Variants in IRAG2 observed in about 807,000 individuals in gnomAD.
IRAG2 encodes lymphoid restricted membrane protein.
IRAG2 carries 45 observed loss-of-function variants against 69.9 expected under a neutral mutation model. The ratio of observed to expected loss-of-function variants is 0.64; its 90% CI spans 0.51 to 0.83. IRAG2 has a LOEUF of 0.83. IRAG2 is among the 40% of genes least tolerant of loss of function. IRAG2 has a pLI of 0.00. For missense variants in IRAG2, 520 were observed against 587.0 expected, an observed-to-expected ratio of 0.89 and a Z score of 1.18; for synonymous variants, 193 against 202.4, an observed-to-expected ratio of 0.95 and a Z score of 0.40.
chr12:25,069,381 G>A lies in IRAG2; in HGVS notation c.-27G>A. 1.9e-6 allele frequency: 3 copies of A among 1,612,732 alleles called. No individual in the cohort carries two copies. The South Asian group carries it at 3.3e-5, about 18-fold the overall frequency. On this transcript the variant is annotated 5_prime_UTR_variant, in exon 6 of 22. Transcript: ENST00000556887. ...AGGCCCCACAAGTGGCCCCAGCCCA[G>A]GAACGAATCTCTCAGGCTGCATCAG... is the stretch of plus-strand genomic sequence containing the variant.
At chr12:25,106,071 A>G (rs1949078961) in intron 20 of IRAG2, among the ~76,000 whole-genome samples, 1 of 152,076 alleles carries the variant, frequency 6.6e-6, no homozygotes, top group South Asian at 2.1e-4. Flanking sequence ...ATTTATTTTA[A>G]CCAGTTTTAT....
At chr12:25,008,788 AG>A (rs1298805961) in intron 2 of IRAG2, among the ~76,000 whole-genome samples, 2 of 152,160 alleles carry the variant, frequency 1.3e-5, no homozygotes, top group Non-Finnish European at 2.9e-5. Context: ...AGATAGTGTA[AG>A]GTGTTTTCTT....
At chr12:25,065,624 C>T (rs1372138052) in intron 4 of IRAG2, among the ~76,000 whole-genome samples, 1 of 152,246 alleles carries the variant, frequency 6.6e-6, no homozygotes, top group Non-Finnish European at 1.5e-5. Flanking sequence ...TTTACTGTTG[C>T]ATCACACAAA....
chr12:25,015,273 T>C, intron 4 of IRAG2: 1 of 1,231,030 alleles, frequency 8.1e-7, no homozygotes, highest in Non-Finnish European at 1.0e-6. Context: ...TATGTATGTG[T>C]TTCTTCAGGA....
At chr12:25,010,745 T>G (rs1166703732) in intron 2 of IRAG2, among the ~76,000 whole-genome samples, 11 of 152,292 alleles carry the variant, frequency 7.2e-5, no homozygotes, top group African/African-American at 2.6e-4. Context: ...TTTTTCCCTC[T>G]CCTTTGCAAG....
chr12:25,096,561 T>C (rs1306205057), intron 14 of IRAG2, among the ~76,000 whole-genome samples: 1 of 152,236 alleles, frequency 6.6e-6, no homozygotes, highest in Non-Finnish European at 1.5e-5. Flanking sequence ...CTATGCTCCT[T>C]ATATGATACA....
At position 25,083,523 on chromosome 12, in the gene IRAG2, G is replaced by A. The variant is rs758769691; in HGVS notation, c.315+30G>A. On this transcript the variant is annotated intron_variant, in intron 10 of 21. Coordinates refer to ENST00000556887, the MANE Select transcript of IRAG2 (RefSeq NM_001366544.2). The stretch of plus-strand genomic sequence containing the variant: ...GGAAATACGTATGTTCACAACAAAG[G>A]TGGTGGTATCTTACAATGGTAGAAC... The A allele has an allele frequency of 8.0e-6, 11 of 1,374,712 alleles. No homozygotes were observed. The East Asian group carries it at 1.4e-4, about 17-fold the overall frequency. 85.2% of individuals were successfully genotyped at this position (1,374,712 alleles called of 1,614,324 possible).
At chr12:25,012,553 C>T (rs1403636912) in intron 3 of IRAG2, among the ~76,000 whole-genome samples, 5 of 151,914 alleles carry the variant, frequency 3.3e-5, no homozygotes, top group African/African-American at 4.8e-5. Context: ...GTTGACAGGG[C>T]GCGATGGCTC....
chr12:24,998,761 T>C, the IRAG2 span, among the ~76,000 whole-genome samples: 2 of 152,184 alleles, frequency 1.3e-5, no homozygotes, highest in African/African-American at 4.8e-5. Flanking sequence ...GAATCATGAA[T>C]GATTGACTGG....
exon 7 of IRAG2, chr12:25,020,812 A>G (rs1441708272): frequency 1.5e-5 from 19 of 1,231,838 alleles, no homozygotes; most frequent in Non-Finnish European, 1.9e-5. Flanking sequence ...TATTATGAGA[A>G]CAAATCTGTT....
chr12:25,053,564 G>T, intron 1 of IRAG2, among the ~76,000 whole-genome samples: 1 of 151,886 alleles, frequency 6.6e-6, no homozygotes. Flanking sequence ...AGTTACCAGA[G>T]ATTTATGTGA....
intron 2 of IRAG2, among the ~76,000 whole-genome samples, chr12:25,010,235 G>A (rs1243024690): frequency 6.6e-6 from 1 of 152,138 alleles, no homozygotes; most frequent in Non-Finnish European, 1.5e-5. Flanking sequence ...TCAGCACTTT[G>A]GGAGGCCCAG....
rs539501564 is a variant in IRAG2 at position 25,103,755 on chromosome 12, T to C, written c.934-82T>C. The C allele has an allele frequency of 6.6e-5, 65 of 984,806 alleles. No homozygotes were observed. In the South Asian group the frequency reaches 7.6e-4, roughly 11 times the overall value. The allele number at this position is 984,806 out of a possible 1,614,324, so 61.0% of individuals were successfully genotyped here. ...CTGTGGTCAAGTACACGGATATGCA[T>C]GTACAAGGATATTTATTGGTGTTGC... On this transcript the variant is annotated intron_variant, in intron 17 of 21. Coordinates refer to ENST00000556887, the MANE Select transcript of IRAG2 (RefSeq NM_001366544.2).
chr12:25,103,854 A>C lies in IRAG2; in HGVS notation c.951A>C (p.Arg317Ser). The change falls in exon 18 of 22, where the codon AGA becomes AGC. Residue 317 changes from arginine to serine, a missense_variant. Coordinates refer to ENST00000556887, the MANE Select transcript of IRAG2 (RefSeq NM_001366544.2). ...SLNSKPSSLR[R>S]VTIASLPRNI... is the part of the protein sequence containing the mutation. The stretch of plus-strand genomic sequence containing the variant: ...TCTGGTAGCCATCTTCTCTACGAAG[A>C]GTGACTATTGCCTCTTTACCCAGAA... The C allele has an allele frequency of 6.2e-7, 1 of 1,612,926 alleles. No homozygotes were observed.
At chr12:25,073,372 A>G (rs1228205365) in intron 6 of IRAG2, among the ~76,000 whole-genome samples, 2 of 152,306 alleles carry the variant, frequency 1.3e-5, no homozygotes, top group Admixed American at 6.5e-5. Flanking sequence ...TTGAATGCCT[A>G]TTTATTTAGG....
At chr12:25,049,556 C>T (rs1209690095), upstream of IRAG2, among the ~76,000 whole-genome samples, 1 of 152,084 alleles carries the variant, frequency 6.6e-6, no homozygotes, top group Non-Finnish European at 1.5e-5. Context: ...AGACAAAAGA[C>T]TTGAATAGGC....
chr12:25,073,880 G>A (rs936349416), intron 6 of IRAG2, among the ~76,000 whole-genome samples: 2 of 152,214 alleles, frequency 1.3e-5, no homozygotes, highest in Non-Finnish European at 2.9e-5. Flanking sequence ...TTTGAAACAA[G>A]ATTGGCCATA....
chr12:25,087,036 C>T (rs7972080), intron 10 of IRAG2, among the ~76,000 whole-genome samples: 29,956 of 152,002 alleles, frequency 0.2, 3,162 homozygotes, highest in Admixed American at 0.28. Flanking sequence ...CCCTATATCA[C>T]CCACACCTTA....
At chr12:25,014,815 C>G (rs796718568) in intron 3 of IRAG2, among the ~76,000 whole-genome samples, 7 of 141,676 alleles carry the variant, frequency 4.9e-5, no homozygotes, top group African/African-American at 1.8e-4. Context: ...CCAGTCCAAC[C>G]TATGTCTATT....
Sources: allele counts gnomAD v4.1 joint callset (sites outside exome capture counted in the v4.1 genomes callset), GRCh38; gene constraint gnomAD v4.1.1; transcripts MANE v1.5; gene names NCBI Gene and HGNC (gene_info 2026-07-23, HGNC 2026-07-21).